RBFOX1: variants seen among roughly 807,000 people sequenced by gnomAD.
RBFOX1 encodes RNA binding fox-1 homolog 1, also known as RNA binding protein fox-1 homolog 1.
RBFOX1 carries 8 observed loss-of-function variants against 57.7 expected under a neutral mutation model. The observed-to-expected ratio is 0.14, with a 90% CI of 0.08 to 0.25. The LOEUF (loss-of-function observed/expected upper bound fraction) is 0.25. Ranked by LOEUF, RBFOX1 falls within the 10% of genes least tolerant of loss-of-function variation. The pLI, the probability that RBFOX1 is intolerant of heterozygous loss-of-function variation, is 1.00. For synonymous variants in RBFOX1, 326 were observed against 222.4 expected, an observed-to-expected ratio of 1.47 and a Z score of -4.15; for missense variants, 611 against 548.5, an observed-to-expected ratio of 1.11 and a Z score of -1.14.
intron 4 of RBFOX1, among the ~76,000 whole-genome samples, chr16:7,275,368 T>G (rs768556872): frequency 1.8e-4 from 28 of 152,224 alleles, no homozygotes; most frequent in Non-Finnish European, 3.5e-4. Flanking sequence ...GTTTTAGACA[T>G]GTGTGTTGCT....
chr16:5,780,823 ACTT>A (rs367846214), intron 3 of RBFOX1, among the ~76,000 whole-genome samples: 108 of 152,314 alleles, frequency 7.1e-4, no homozygotes, highest in South Asian at 5.4e-3. Context: ...TGAGCAAGAC[ACTT>A]CTTTGCTTTC....
intron 4 of RBFOX1, among the ~76,000 whole-genome samples, chr16:7,409,605 C>T (rs143606244): frequency 5.3e-5 from 8 of 152,242 alleles, no homozygotes; most frequent in African/African-American, 1.9e-4. Flanking sequence ...ATATTACGTT[C>T]GTTTGGATGG....
At chr16:5,256,142 A>C (rs1409750474) in intron 1 of RBFOX1, among the ~76,000 whole-genome samples, 3 of 152,184 alleles carry the variant, frequency 2.0e-5, no homozygotes, top group Non-Finnish European at 4.4e-5. Context: ...GCAGAGAGCC[A>C]TGGAGAGGGC....
At chr16:7,251,336 T>G (rs191950296) in intron 4 of RBFOX1, among the ~76,000 whole-genome samples, 2 of 152,032 alleles carry the variant, frequency 1.3e-5, no homozygotes, top group Admixed American at 1.3e-4. Context: ...AGTGTTGCAG[T>G]TGACAAGAAT....
At chr16:5,433,124 C>T (rs919246309) in intron 1 of RBFOX1, among the ~76,000 whole-genome samples, 2 of 152,162 alleles carry the variant, frequency 1.3e-5, no homozygotes, top group African/African-American at 4.8e-5. Context: ...TGTGCAGAGT[C>T]ACTGTTTCTC....
intron 1 of RBFOX1, among the ~76,000 whole-genome samples, chr16:6,152,773 C>G (rs190253569): frequency 3.7e-4 from 56 of 152,256 alleles, no homozygotes; most frequent in Middle Eastern, 3.4e-3. Flanking sequence ...AGAAAACAGA[C>G]CCCAGAGAGC....
At chr16:6,971,891 A>C (rs2085632373) in intron 3 of RBFOX1, among the ~76,000 whole-genome samples, 1 of 152,116 alleles carries the variant, frequency 6.6e-6, no homozygotes, top group South Asian at 2.1e-4. Flanking sequence ...TACCCTTTAC[A>C]TCAGCAGCCT....
At chr16:5,607,757 C>T (rs778142104) in intron 3 of RBFOX1, among the ~76,000 whole-genome samples, 12 of 152,210 alleles carry the variant, frequency 7.9e-5, no homozygotes, top group Non-Finnish European at 1.6e-4. Flanking sequence ...CCACTGGGCT[C>T]ATTTCTGAAA....
At chr16:7,532,863 A>C (rs1170495138) in intron 5 of RBFOX1, among the ~76,000 whole-genome samples, 2 of 152,190 alleles carry the variant, frequency 1.3e-5, no homozygotes, top group African/African-American at 4.8e-5. Flanking sequence ...CCCTCAACAG[A>C]AAAAGTTTGG....
At chr16:6,717,323 G>C (rs764899124) in intron 3 of RBFOX1, among the ~76,000 whole-genome samples, 28 of 152,196 alleles carry the variant, frequency 1.8e-4, no homozygotes, top group Non-Finnish European at 3.7e-4. Flanking sequence ...TATCAGCTTT[G>C]TGATAAATCT....
At chr16:6,811,107 G>C (rs1334943886) in intron 3 of RBFOX1, among the ~76,000 whole-genome samples, 2 of 152,188 alleles carry the variant, frequency 1.3e-5, no homozygotes, top group Non-Finnish European at 2.9e-5. Flanking sequence ...GAGATACCTT[G>C]ATAGAAAAGC....
chr16:6,963,827 T>C (rs1467695800), intron 3 of RBFOX1, among the ~76,000 whole-genome samples: 1 of 149,186 alleles, frequency 6.7e-6, no homozygotes, highest in East Asian at 2.0e-4. Flanking sequence ...GCCTCTCGAG[T>C]AGCTGGGGCT....
chr16:5,283,435 A>G (rs1334638982), intron 1 of RBFOX1, among the ~76,000 whole-genome samples: 3 of 152,062 alleles, frequency 2.0e-5, no homozygotes, highest in Admixed American at 6.5e-5. Context: ...GCAAACACTC[A>G]ATGCCAACCA....
chr16:7,568,570 C>G (rs142160536), intron 5 of RBFOX1, among the ~76,000 whole-genome samples: 4 of 152,218 alleles, frequency 2.6e-5, no homozygotes, highest in African/African-American at 9.6e-5. Context: ...GTGCTGACCT[C>G]TTATCTCATC....
rs368096576 is a variant in RBFOX1, at chr16:5,956,678, A to ATATTTTTTT, written c.351+89344_351+89345insATTTTTTTT. ...TATATTTATATATATATATATATAT[A>ATATTTTTTT]TTTTTTTTGAGGCACAGTCTCATCC... On this transcript the variant is annotated intron_variant, in intron 4 of 19. Transcript: ENST00000641259. 4.6e-4 allele frequency among the ~76,000 whole-genome samples: 54 copies of ATATTTTTTT among 116,466 alleles called. 1 individual carries two copies. Among genetic ancestry groups the ATATTTTTTT allele is most frequent in the African/African-American group, 1.8e-3 (52 of 28,922 alleles). The allele number at this position is 116,466 out of a possible 152,430, so 76.4% of individuals were successfully genotyped here.
intron 4 of RBFOX1, among the ~76,000 whole-genome samples, chr16:7,460,477 A>T (rs998768263): frequency 1.4e-5 from 2 of 142,726 alleles, no homozygotes; most frequent in African/African-American, 2.6e-5. Flanking sequence ...TATATATCTA[A>T]TTATGTATGC....
At chr16:7,612,909 A>G (rs886789736) in intron 10 of RBFOX1, among the ~76,000 whole-genome samples, 9 of 152,198 alleles carry the variant, frequency 5.9e-5, no homozygotes, top group Admixed American at 3.9e-4. Context: ...GCAAAGCTTA[A>G]CAAGATTCAT....
chr16:7,110,936 G>C (rs556270746), intron 4 of RBFOX1, among the ~76,000 whole-genome samples: 1 of 152,094 alleles, frequency 6.6e-6, no homozygotes, highest in Non-Finnish European at 1.5e-5. Flanking sequence ...GGACACCAGG[G>C]CATCCATGCT....
rs191923465 is a variant in RBFOX1 at position 5,397,496 on chromosome 16, A to G, written c.220-69720A>G. On this transcript the variant is annotated intron_variant, in intron 1 of 2. Coordinates refer to the RBFOX1 transcript ENST00000585867. Reference sequence around the variant, plus strand: ...AAGTCTATGGACGGCGGAGTGTGCCATATCTGCAACCCCATTCCCCTCTGT... The same window carrying G: ...AAGTCTATGGACGGCGGAGTGTGCCGTATCTGCAACCCCATTCCCCTCTGT... Among the ~76,000 whole-genome samples the G allele has an allele frequency of 3.3e-5, 5 of 152,332 alleles. No individual in the cohort carries two copies. In the East Asian group the frequency reaches 9.6e-4, roughly 29 times the overall value.
Sources: gnomAD v4.1 joint callset for allele counts (sites outside exome capture counted in the v4.1 genomes callset) on GRCh38, gnomAD v4.1.1 for gene constraint, MANE v1.5 for transcripts, NCBI Gene and HGNC (gene_info 2026-07-23, HGNC 2026-07-21) for gene names.